PPFIA2: variants seen among roughly 807,000 people sequenced by gnomAD.
PPFIA2 encodes PPFI scaffold protein A2, also known as liprin-alpha-2.
A neutral mutation model predicts 175.5 loss-of-function variants in PPFIA2; 46 were observed. That is an observed-to-expected ratio of 0.26 (90% CI 0.21 to 0.34). The LOEUF (loss-of-function observed/expected upper bound fraction) is 0.34, where lower values mean the gene tolerates loss of function less well. Among genes scored for constraint, PPFIA2 ranks in the 10% least tolerant of loss-of-function variants. The pLI, the probability that PPFIA2 is intolerant of heterozygous loss-of-function variation, is 1.00. For missense variants in PPFIA2, 1,179 were observed against 1,506.1 expected (o/e 0.78, Z 3.60); for synonymous variants, 568 against 511.4 (o/e 1.11, Z -1.49).
rs1221372071 is a variant in PPFIA2 at position 81,439,946 on chromosome 12, A to G, written c.645+26T>C. 5.0e-6 allele frequency: 8 copies of G among 1,585,240 alleles called. No homozygotes were observed. In the East Asian group the frequency reaches 6.8e-5, roughly 14 times the overall value. On this transcript the variant is annotated intron_variant, in intron 7 of 32. Transcript: ENST00000549396. ...GTAATGTCAGCGATATTGCACCTCAAAAGAGGAGAAAGTGTGGCAGGTTAC... is the reference window on the plus strand; with the variant it reads ...GTAATGTCAGCGATATTGCACCTCAGAAGAGGAGAAAGTGTGGCAGGTTAC...
intron 4 of PPFIA2, among the ~76,000 whole-genome samples, chr12:81,497,530 CTTTTTTTTTTT>C (rs34030284): frequency 1.2e-4 from 8 of 66,202 alleles, no homozygotes; most frequent in Admixed American, 6.7e-4. Context: ...TCATTGATGT[CTTTTTTTTTTT>C]TTTTTTTTTT....
chr12:81,569,022 C>A (rs1347280232), intron 4 of PPFIA2, among the ~76,000 whole-genome samples: 1 of 152,048 alleles, frequency 6.6e-6, no homozygotes, highest in African/African-American at 2.4e-5. Flanking sequence ...TTCTACTTTT[C>A]TTCATAATGG....
chr12:81,318,873 C>G (rs1052199480), intron 22 of PPFIA2, among the ~76,000 whole-genome samples: 1 of 151,672 alleles, frequency 6.6e-6, no homozygotes, highest in African/African-American at 2.4e-5. Context: ...CTTTGAAGAA[C>G]AGAACTACCT....
At chr12:81,409,497 C>T (rs2043526071) in intron 7 of PPFIA2, among the ~76,000 whole-genome samples, 1 of 151,918 alleles carries the variant, frequency 6.6e-6, no homozygotes, top group Non-Finnish European at 1.5e-5. Flanking sequence ...GGAGTTTGCC[C>T]CTCATCCTCT....
At chr12:81,267,622 C>A (rs1258430110) in intron 29 of PPFIA2, among the ~76,000 whole-genome samples, 1 of 151,968 alleles carries the variant, frequency 6.6e-6, no homozygotes, top group Non-Finnish European at 1.5e-5. Context: ...CTCAGAGAGG[C>A]AGAGACTGAT....
At chr12:81,458,321 A>G (rs1288697507) in intron 4 of PPFIA2, among the ~76,000 whole-genome samples, 2 of 148,276 alleles carry the variant, frequency 1.3e-5, no homozygotes, top group Non-Finnish European at 3.0e-5. Context: ...TGTTAACAAG[A>G]TGAAGCAGAG....
At chr12:81,546,957 C>A (rs1037544408) in intron 4 of PPFIA2, among the ~76,000 whole-genome samples, 11 of 152,050 alleles carry the variant, frequency 7.2e-5, no homozygotes, top group African/African-American at 2.7e-4. Context: ...AAAGAGTTAG[C>A]AGGACGTCAC....
intron 3 of PPFIA2, among the ~76,000 whole-genome samples, chr12:81,745,471 G>A (rs546000377): frequency 6.6e-6 from 1 of 152,302 alleles, no homozygotes; most frequent in East Asian, 1.9e-4. Flanking sequence ...TTCTGGAATG[G>A]CAAATGTGGA....
intron 21 of PPFIA2, among the ~76,000 whole-genome samples, chr12:81,327,750 A>C (rs945827662): frequency 3.3e-5 from 5 of 152,146 alleles, no homozygotes; most frequent in African/African-American, 1.2e-4. Flanking sequence ...AATAGAAAAA[A>C]ATCACATTTT....
At chr12:81,664,673 C>T (rs1330164485) in intron 4 of PPFIA2, among the ~76,000 whole-genome samples, 1 of 152,072 alleles carries the variant, frequency 6.6e-6, no homozygotes, top group African/African-American at 2.4e-5. Flanking sequence ...TTGACCCAGC[C>T]ATCCCATTAC....
Position 81,341,297 on chromosome 12 carries a change from C to T in PPFIA2, c.2263-89G>A, listed in dbSNP as rs977450360. Reference sequence around the variant, plus strand: ...TGGAGAATCATGAGAACAAGGCTGTCGAGTAATTTTAATACAAAATAAAAC... The same window carrying T: ...TGGAGAATCATGAGAACAAGGCTGTTGAGTAATTTTAATACAAAATAAAAC... On this transcript the variant is annotated intron_variant, in intron 19 of 32. Transcript: ENST00000549396. The T allele has an allele frequency of 9.0e-5, 116 of 1,290,006 alleles. 1 individual carries two copies. The highest frequency in any genetic ancestry group is 2.7e-4 in the Middle Eastern group (1 of 3,758). 79.9% of individuals were successfully genotyped at this position (1,290,006 alleles called of 1,614,324 possible).
intron 4 of PPFIA2, among the ~76,000 whole-genome samples, chr12:81,619,578 ATCT>A (rs1444712438): frequency 6.6e-6 from 1 of 152,224 alleles, no homozygotes; most frequent in African/African-American, 2.4e-5. Flanking sequence ...TTTAAGTAAG[ATCT>A]TCATTATTTT....
At chr12:81,383,238 A>C (rs2141976648) in intron 9 of PPFIA2, among the ~76,000 whole-genome samples, 1 of 152,308 alleles carries the variant, frequency 6.6e-6, no homozygotes, top group South Asian at 2.1e-4. Context: ...TATATACAAA[A>C]GATACTTTTA....
intron 7 of PPFIA2, among the ~76,000 whole-genome samples, chr12:81,432,724 T>C (rs1384513363): frequency 6.6e-6 from 1 of 152,118 alleles, no homozygotes; most frequent in Non-Finnish European, 1.5e-5. Context: ...CCCAAAGTGC[T>C]GGGATTACAG....
rs1182118313 is a variant in PPFIA2, at chr12:81,676,802, C to A, written c.292G>T (p.Ala98Ser). ...LTGGLAGSKG[A>S]DPPEFAALTK... ...AGAATCTAACTTACCGGTGGATCAG[C>A]CCCCTTAGAACCAGCCAGCCCTCCT... is the stretch of plus-strand genomic sequence containing the variant. Residue 98 changes from alanine (A) to serine (S), a missense_variant, in exon 4 of 33, where the codon GCT (alanine) becomes TCT (serine). Ala to Ser is a moderately conservative substitution (Grantham distance 99). Around this residue, in one of 10 missense-constraint regions of PPFIA2, gnomAD observed 128 missense variants for 141.4 expected, o/e 0.91. Transcript: ENST00000549396. The A allele has an allele frequency of 1.9e-6, 3 of 1,562,016 alleles. No individual in the cohort carries two copies. The highest frequency in any genetic ancestry group is 2.6e-6 in the Non-Finnish European group (3 of 1,154,820).
At chr12:81,443,344 T>C (rs2050582601) in intron 6 of PPFIA2, among the ~76,000 whole-genome samples, 2 of 152,116 alleles carry the variant, frequency 1.3e-5, no homozygotes, top group African/African-American at 2.4e-5. Context: ...TTTAGGCCAC[T>C]GAGCATTACT....
chr12:81,280,891 T>A (rs1307720098), intron 27 of PPFIA2, among the ~76,000 whole-genome samples: 1 of 145,960 alleles, frequency 6.9e-6, no homozygotes, highest in Non-Finnish European at 1.5e-5. Flanking sequence ...CATATTTGTG[T>A]AGAGTTGAAA....
chr12:81,753,852 C>T, intron 3 of PPFIA2, 121 bp downstream of exon 3: 2 of 1,258,210 alleles, frequency 1.6e-6, no homozygotes, highest in Non-Finnish European at 2.2e-6. Context: ...CTAAGTTGTT[C>T]TCACCAAAAC....
intron 4 of PPFIA2, among the ~76,000 whole-genome samples, chr12:81,652,156 T>C (rs994047272): frequency 1.3e-4 from 20 of 150,650 alleles, no homozygotes; most frequent in African/African-American, 4.4e-4. Flanking sequence ...ATGAGCCAAA[T>C]TTGAAATTGG....
Sources: allele counts gnomAD v4.1 joint callset (sites outside exome capture counted in the v4.1 genomes callset), GRCh38; gene constraint gnomAD v4.1.1; regional missense constraint gnomAD v4.1.1; transcripts MANE v1.5; gene names NCBI Gene and HGNC (gene_info 2026-07-23, HGNC 2026-07-21).